The following FAM135B variants were observed in gnomAD, a reference collection of about 807,000 sequenced individuals.
FAM135B encodes the protein family with sequence similarity 135 member B, also known as protein FAM135B.
A neutral mutation model predicts 127.7 loss-of-function variants in FAM135B; 43 were observed. That is an observed-to-expected ratio of 0.34 (90% CI 0.26 to 0.43). The LOEUF is 0.43. Ranked by LOEUF, FAM135B falls within the 20% of genes least tolerant of loss-of-function variation. The pLI, the probability that FAM135B is intolerant of heterozygous loss-of-function variation, is 1.00. For synonymous variants in FAM135B, 670 were observed against 665.1 expected, an observed-to-expected ratio of 1.01 and a Z score of -0.11; for missense variants, 1,558 against 1,725.6, an observed-to-expected ratio of 0.90 and a Z score of 1.72.
chr8:138,471,639 A>G (rs1317717081), intron 1 of FAM135B, among the ~76,000 whole-genome samples: 1 of 152,202 alleles, frequency 6.6e-6, no homozygotes, highest in African/African-American at 2.4e-5. Flanking sequence ...TGCACTCCTA[A>G]AGAAATCCAG....
intron 2 of FAM135B, among the ~76,000 whole-genome samples, chr8:138,350,290 C>T (rs1308196973): frequency 1.3e-5 from 2 of 152,182 alleles, no homozygotes; most frequent in African/African-American, 2.4e-5. Context: ...CCTAAGTCAA[C>T]ATTCCCATGC....
chr8:138,323,226 G>T (rs967049635), intron 2 of FAM135B, among the ~76,000 whole-genome samples: 2 of 152,130 alleles, frequency 1.3e-5, no homozygotes, highest in Non-Finnish European at 1.5e-5. Flanking sequence ...GACCCAGAAG[G>T]TTCTATGTGG....
At chr8:138,206,210 TCTC>T (rs1817555599) in intron 7 of FAM135B, among the ~76,000 whole-genome samples, 1 of 86,998 alleles carries the variant, frequency 1.1e-5, no homozygotes, top group African/African-American at 4.6e-5. Context: ...CCCACAGCTC[TCTC>T]ATCCCCTCCA....
intron 1 of FAM135B, among the ~76,000 whole-genome samples, chr8:138,415,393 C>T (rs982798643): frequency 6.6e-6 from 1 of 152,166 alleles, no homozygotes; most frequent in African/African-American, 2.4e-5. Flanking sequence ...GACCTCACAA[C>T]ACTCTCATAG....
chr8:138,445,814 C>G (rs1355862191), intron 1 of FAM135B, among the ~76,000 whole-genome samples: 3 of 152,118 alleles, frequency 2.0e-5, no homozygotes, highest in Non-Finnish European at 4.4e-5. Context: ...GACAATCAGG[C>G]AGGAGAAAGA....
At chr8:138,137,916 C>A (rs1816799422) in intron 18 of FAM135B, among the ~76,000 whole-genome samples, 1 of 152,318 alleles carries the variant, frequency 6.6e-6, no homozygotes, top group Non-Finnish European at 1.5e-5. Flanking sequence ...CTGAGACTGT[C>A]CTTCTCATTC....
chr8:138,175,235 C>A (rs1239317425), intron 11 of FAM135B, among the ~76,000 whole-genome samples: 1 of 152,178 alleles, frequency 6.6e-6, no homozygotes. Flanking sequence ...GACAAGGCCC[C>A]ACATGGACTG....
At chr8:138,476,002 C>A (rs547167475) in intron 1 of FAM135B, among the ~76,000 whole-genome samples, 9 of 152,138 alleles carry the variant, frequency 5.9e-5, no homozygotes, top group Middle Eastern at 3.4e-3. Context: ...AACTATGGTA[C>A]GTCTAGATGA....
In FAM135B at chr8:138,242,381, AG is replaced by A. The variant is rs1165097777; in HGVS notation, c.669+560del. 6.6e-6 allele frequency among the ~76,000 whole-genome samples: 1 copy of A among 152,106 alleles called. No individual in the cohort carries two copies. The highest frequency in any genetic ancestry group is 1.5e-5 in the Non-Finnish European group (1 of 68,020). ...AAAGCCCTGCACATCACAGAAGAGCAGGGGATGTTTCCTAGGATAAAAGAAC... is the reference window on the plus strand; with the variant it reads ...AAAGCCCTGCACATCACAGAAGAGCAGGGATGTTTCCTAGGATAAAAGAAC... On this transcript the variant is annotated intron_variant, in intron 7 of 19. Transcript: ENST00000395297. This position sits in a 1 kb window ranked among gnomAD's most constrained non-coding sequence, Gnocchi z 9.6.
intron 1 of FAM135B, among the ~76,000 whole-genome samples, chr8:138,407,394 T>C (rs950362904): frequency 2.6e-5 from 4 of 152,138 alleles, no homozygotes; most frequent in African/African-American, 7.2e-5. Context: ...CTTCACTGAA[T>C]TGGAAAAAAC....
chr8:138,180,591 G>A (rs1407722581), intron 9 of FAM135B, among the ~76,000 whole-genome samples: 1 of 152,182 alleles, frequency 6.6e-6, no homozygotes, highest in Non-Finnish European at 1.5e-5. Flanking sequence ...CTGAAGACTA[G>A]TGCTAGATAG....
intron 2 of FAM135B, among the ~76,000 whole-genome samples, chr8:138,350,993 G>C (rs1554672227): frequency 6.6e-6 from 1 of 152,072 alleles, no homozygotes; most frequent in Non-Finnish European, 1.5e-5. Context: ...AGTTTGCCTG[G>C]GACTTTCATG....
chr8:138,363,463 C>T (rs149085947), intron 2 of FAM135B, among the ~76,000 whole-genome samples: 2 of 152,116 alleles, frequency 1.3e-5, no homozygotes, highest in African/African-American at 2.4e-5. Flanking sequence ...AAGCCAGGTC[C>T]TCAGTACTTC....
At chr8:138,225,593 G>A (rs547788687) in intron 7 of FAM135B, among the ~76,000 whole-genome samples, 7 of 152,140 alleles carry the variant, frequency 4.6e-5, no homozygotes, top group African/African-American at 1.7e-4. Context: ...TACACTGTTG[G>A]AGGACAAATG....
intron 15 of FAM135B, chr8:138,144,290 C>T (rs12676420): frequency 0.31 from 47,787 of 151,798 alleles, 8,731 homozygotes; most frequent in East Asian, 0.52. Flanking sequence ...CGTGATGGCA[C>T]GCACCTGTAG....
chr8:138,379,630 T>C (rs1444970203), intron 1 of FAM135B, among the ~76,000 whole-genome samples: 2 of 152,042 alleles, frequency 1.3e-5, no homozygotes, highest in Non-Finnish European at 2.9e-5. Context: ...GGGGGAAGCA[T>C]ACTGGATACC....
intron 7 of FAM135B, among the ~76,000 whole-genome samples, chr8:138,221,672 A>T (rs1363555178): frequency 6.6e-6 from 1 of 152,182 alleles, no homozygotes; most frequent in Non-Finnish European, 1.5e-5. Context: ...TGGAATATTG[A>T]GGAGAAAACT....
chr8:138,474,191 G>A (rs906277339), intron 1 of FAM135B, among the ~76,000 whole-genome samples: 2 of 152,140 alleles, frequency 1.3e-5, no homozygotes, highest in Non-Finnish European at 2.9e-5. Context: ...ACAGTCGGGA[G>A]TGTCGCCTGA....
intron 19 of FAM135B, among the ~76,000 whole-genome samples, chr8:138,134,884 A>G (rs1279586441): frequency 6.6e-6 from 1 of 152,204 alleles, no homozygotes; most frequent in Admixed American, 6.5e-5. Context: ...ATATATTAAT[A>G]TCCTTTGAAG....
Sources: allele counts gnomAD v4.1 joint callset (sites outside exome capture counted in the v4.1 genomes callset), GRCh38; gene constraint gnomAD v4.1.1; non-coding constraint Gnocchi (gnomAD v3.1); transcripts MANE v1.5; gene names NCBI Gene and HGNC (gene_info 2026-07-23, HGNC 2026-07-21).